CRISPLD1: variants seen among roughly 807,000 people sequenced by gnomAD.
CRISPLD1 encodes the protein cysteine-rich secretory protein LCCL domain-containing 1.
CRISPLD1 carries 60 observed loss-of-function variants against 77.5 expected under a neutral mutation model. The ratio of observed to expected loss-of-function variants is 0.77; its 90% CI spans 0.63 to 0.96. The LOEUF (loss-of-function observed/expected upper bound fraction) is 0.96. Among genes scored for constraint, CRISPLD1 ranks in the 40% least tolerant of loss-of-function variants. The pLI is 0.00. For synonymous variants in CRISPLD1, 195 were observed against 200.1 expected, an observed-to-expected ratio of 0.97 and a Z score of 0.22; for missense variants, 623 against 615.8, an observed-to-expected ratio of 1.01 and a Z score of -0.12.
At chr8:75,015,739 C>T (rs982814113) in intron 6 of CRISPLD1, among the ~76,000 whole-genome samples, 3 of 151,964 alleles carry the variant, frequency 2.0e-5, no homozygotes, top group Non-Finnish European at 4.4e-5. Context: ...CATATATGTC[C>T]CTCTGTTGTG....
chr8:75,018,503 C>T (rs1172829568), intron 10 of CRISPLD1, among the ~76,000 whole-genome samples: 1 of 151,818 alleles, frequency 6.6e-6, no homozygotes, highest in Non-Finnish European at 1.5e-5. Flanking sequence ...GTTGGCCAGG[C>T]TGGTCTTGAA....
At chr8:74,993,306 T>C (rs62522765) in intron 2 of CRISPLD1, among the ~76,000 whole-genome samples, 1 of 152,200 alleles carries the variant, frequency 6.6e-6, no homozygotes. Context: ...CTGGTCATTT[T>C]CAAAAGTTAA....
At position 74,984,701 on chromosome 8, in the gene CRISPLD1, T is replaced by TGGACGCTTTGCCTGCCATTTCTTCCAG. The variant is rs1812469470; in HGVS notation, c.-280_-254dup. On this transcript the variant is annotated 5_prime_UTR_variant, in exon 1 of 15. Transcript: ENST00000262207. ...CCCACCCCAACTGCAGGTCTAATTT[T>TGGACGCTTTGCCTGCCATTTCTTCCAG]GGACGCTTTGCCTGCCATTTCTTCC... 1 of 152,320 alleles carries TGGACGCTTTGCCTGCCATTTCTTCCAG rather than the reference T, an allele frequency of 6.6e-6. No homozygotes were observed. Among genetic ancestry groups the TGGACGCTTTGCCTGCCATTTCTTCCAG allele is most frequent in the African/African-American group, 2.4e-5 (1 of 41,460 alleles). The allele number at this position is 152,320 out of a possible 1,614,324, so 9.4% of individuals were successfully genotyped here. A position where few individuals can be genotyped will look rare whatever the true frequency, so the allele number is the denominator to read the frequency against.
chr8:75,029,540 TA>T, intron 14 of CRISPLD1, 23 bp downstream of exon 14: 1 of 1,602,420 alleles, frequency 6.2e-7, no homozygotes, highest in Non-Finnish European at 8.5e-7. Flanking sequence ...CATATGTATG[TA>T]TACTTTTAAA....
At chr8:75,016,741 G>T in intron 7 of CRISPLD1, 36 bp downstream of exon 7, 1 of 1,583,762 alleles carries the variant, frequency 6.3e-7, no homozygotes. Flanking sequence ...AATTTTCAAA[G>T]TACATAAATG....
chr8:75,034,184 A>G lies in CRISPLD1; in HGVS notation c.*1942A>G, dbSNP rs983431940. ...CTGAAGAAAAACCAAACATTCTTGT[A>G]AAAACATTTAAGAACTTCCATAGTC... On this transcript the variant is annotated 3_prime_UTR_variant, in exon 15 of 15. Transcript: ENST00000262207. 3 of 152,118 alleles carry G rather than the reference A, an allele frequency of 2.0e-5. No individual in the cohort carries two copies. The highest frequency in any genetic ancestry group is 4.4e-5 in the Non-Finnish European group (3 of 67,952). 9.4% of individuals were successfully genotyped at this position (152,118 alleles called of 1,614,324 possible).
intron 13 of CRISPLD1, among the ~76,000 whole-genome samples, chr8:75,028,196 G>A (rs1813267852): frequency 6.6e-6 from 1 of 152,090 alleles, no homozygotes; most frequent in African/African-American, 2.4e-5. Flanking sequence ...AAATGTCTTT[G>A]AGTAAGGATG....
At chr8:75,023,290 A>C (rs182367480) in intron 12 of CRISPLD1, among the ~76,000 whole-genome samples, 1 of 152,222 alleles carries the variant, frequency 6.6e-6, no homozygotes, top group African/African-American at 2.4e-5. Context: ...TAAAGTTTGC[A>C]GAGCATGCAG....
Position 75,019,834 on chromosome 8 carries a change from T to G in CRISPLD1, c.1128-36T>G, listed in dbSNP as rs762322231. The stretch of plus-strand genomic sequence containing the variant: ...AATGATGCTGCTGCTGATGCCTATA[T>G]GAAAATAATTAACATTTCTGTATTT... On this transcript the variant is annotated intron_variant, in intron 10 of 14. Coordinates refer to ENST00000262207, the MANE Select transcript of CRISPLD1 (RefSeq NM_031461.6). The G allele has an allele frequency of 1.5e-5, 24 of 1,557,248 alleles. No individual in the cohort carries two copies. The South Asian group carries it at 2.6e-4, about 17-fold the overall frequency.
In CRISPLD1 at chr8:75,012,440, A is replaced by G; in HGVS notation, c.266A>G (p.Asp89Gly). 1 of 1,606,398 alleles carries G rather than the reference A, an allele frequency of 6.2e-7. No homozygotes were observed. The highest frequency in any genetic ancestry group is 1.7e-5 in the Admixed American group (1 of 59,910). The change falls in exon 3 of 15, where the codon GAT becomes GGT. Residue 89 changes from aspartate to glycine, a missense_variant. By Grantham distance (94) the Asp-to-Gly change is moderately conservative. Coordinates refer to ENST00000262207, the MANE Select transcript of CRISPLD1 (RefSeq NM_031461.6). Reference sequence around the variant, plus strand: ...TTTTGTTTTAAACTGTAGACATGGGATGTAGAGCTGGAAAGATCTGCAGAA... The same window carrying G: ...TTTTGTTTTAAACTGTAGACATGGGGTGTAGAGCTGGAAAGATCTGCAGAA... ...TASNMEYMTW[D>G]VELERSAESW...
At chr8:75,000,299 A>G (rs1224646806) in intron 2 of CRISPLD1, 1 of 985,234 alleles carries the variant, frequency 1.0e-6, no homozygotes, top group Non-Finnish European at 1.2e-6. Flanking sequence ...TCAAATGATA[A>G]AAGTGTTGAG....
intron 2 of CRISPLD1, among the ~76,000 whole-genome samples, chr8:75,006,907 A>G (rs887429374): frequency 1.3e-5 from 2 of 152,186 alleles, no homozygotes; most frequent in Non-Finnish European, 2.9e-5. Context: ...ATAATCTCAT[A>G]AAACTTTATA....
intron 2 of CRISPLD1, among the ~76,000 whole-genome samples, chr8:74,994,278 A>C (rs953039073): frequency 2.0e-5 from 3 of 152,202 alleles, no homozygotes; most frequent in African/African-American, 7.2e-5. Flanking sequence ...TGTGATCATA[A>C]AATTAATCTT....
intron 10 of CRISPLD1, among the ~76,000 whole-genome samples, chr8:75,019,122 C>T (rs1813088554): frequency 6.6e-6 from 1 of 151,920 alleles, no homozygotes; most frequent in African/African-American, 2.4e-5. Flanking sequence ...ATATTTTATG[C>T]CTCAAAGAAT....
At chr8:75,030,730 GTATA>G (rs200047607) in intron 14 of CRISPLD1, among the ~76,000 whole-genome samples, 1 of 151,096 alleles carries the variant, frequency 6.6e-6, no homozygotes, top group Non-Finnish European at 1.5e-5. Flanking sequence ...GTGTGTCTGT[GTATA>G]TATGTATGAG....
At chr8:75,025,099 T>C (rs1813208766) in intron 12 of CRISPLD1, among the ~76,000 whole-genome samples, 1 of 152,178 alleles carries the variant, frequency 6.6e-6, no homozygotes, top group African/African-American at 2.4e-5. Context: ...AATTTGGAAA[T>C]TAGCCATTTA....
At chr8:74,995,787 A>G (rs913855756) in intron 2 of CRISPLD1, among the ~76,000 whole-genome samples, 4 of 152,162 alleles carry the variant, frequency 2.6e-5, no homozygotes, top group Non-Finnish European at 4.4e-5. Flanking sequence ...TTATGCCTCT[A>G]TTTAAAATGG....
At chr8:75,031,445 CAAAA>C (rs1813344126) in intron 14 of CRISPLD1, among the ~76,000 whole-genome samples, 1 of 151,880 alleles carries the variant, frequency 6.6e-6, no homozygotes, top group Non-Finnish European at 1.5e-5. Context: ...GACATTTAAA[CAAAA>C]CATACCTTGA....
intron 2 of CRISPLD1, among the ~76,000 whole-genome samples, chr8:74,996,377 A>G (rs930272787): frequency 5.9e-5 from 9 of 152,174 alleles, no homozygotes; most frequent in Non-Finnish European, 1.2e-4. Flanking sequence ...CACTTATGTG[A>G]CACACTGTTC....
Sources: allele counts gnomAD v4.1 joint callset (sites outside exome capture counted in the v4.1 genomes callset), GRCh38; gene constraint gnomAD v4.1.1; transcripts MANE v1.5; gene names NCBI Gene and HGNC (gene_info 2026-07-23, HGNC 2026-07-21).